The following NRG1 variants were observed in gnomAD, a reference collection of about 807,000 sequenced individuals.
NRG1 encodes neuregulin 1, also known as pro-neuregulin-1, membrane-bound isoform.
In NRG1, 18 loss-of-function variants were observed where a neutral mutation model predicts 63.8. The observed-to-expected ratio is 0.28, with a 90% CI of 0.19 to 0.42. The LOEUF (loss-of-function observed/expected upper bound fraction) is 0.42, where lower values mean the gene tolerates loss of function less well. NRG1 is among the 10% of genes least tolerant of loss of function. The pLI, the probability that NRG1 is intolerant of heterozygous loss-of-function variation, is 1.00. For missense variants in NRG1, 762 were observed against 814.7 expected (o/e 0.94, Z 0.79); for synonymous variants, 302 against 301.3 (o/e 1.00, Z -0.02).
intron 1 of NRG1, among the ~76,000 whole-genome samples, chr8:31,858,379 A>G (rs1828143580): frequency 6.6e-6 from 1 of 152,066 alleles, no homozygotes; most frequent in Non-Finnish European, 1.5e-5. Flanking sequence ...AGAAAATTGG[A>G]AAGGTGAAAA....
At chr8:32,714,810 A>AGG (rs1409701928) in intron 5 of NRG1, among the ~76,000 whole-genome samples, 6 of 152,266 alleles carry the variant, frequency 3.9e-5, no homozygotes, top group African/African-American at 1.4e-4. Context: ...TCACACATAC[A>AGG]CACACAAGCT....
At chr8:32,322,623 G>A (rs1249251626) in intron 1 of NRG1, among the ~76,000 whole-genome samples, 3 of 152,052 alleles carry the variant, frequency 2.0e-5, no homozygotes, top group Admixed American at 6.5e-5. Flanking sequence ...GGATTGTGGA[G>A]ATCGTGTCAC....
intron 1 of NRG1, among the ~76,000 whole-genome samples, chr8:32,032,002 A>T (rs1262253862): frequency 6.6e-6 from 1 of 151,964 alleles, no homozygotes; most frequent in African/African-American, 2.4e-5. Flanking sequence ...GGGTCAAATG[A>T]TATTTCTGGT....
At chr8:31,818,418 C>G (rs1261230475) in intron 1 of NRG1, among the ~76,000 whole-genome samples, 3 of 152,118 alleles carry the variant, frequency 2.0e-5, no homozygotes, top group Non-Finnish European at 2.9e-5. Context: ...TATCAGCAGT[C>G]CCCAACCTTT....
chr8:31,724,191 G>A (rs1012095366), intron 1 of NRG1, among the ~76,000 whole-genome samples: 5 of 152,228 alleles, frequency 3.3e-5, no homozygotes, highest in South Asian at 4.1e-4. Context: ...AGTGCAAAAT[G>A]TAGAGAGAAA....
At chr8:32,168,379 T>G (rs1839631913) in intron 1 of NRG1, among the ~76,000 whole-genome samples, 1 of 152,238 alleles carries the variant, frequency 6.6e-6, no homozygotes, top group African/African-American at 2.4e-5. Context: ...TGTTCTGATA[T>G]CTGGTGTGCA....
chr8:31,846,677 G>A (rs749242952), intron 1 of NRG1, among the ~76,000 whole-genome samples: 2 of 152,152 alleles, frequency 1.3e-5, no homozygotes, highest in African/African-American at 2.4e-5. Context: ...ACACAATGCT[G>A]TAGGAATTCC....
chr8:32,628,327 C>T (rs749752599), intron 5 of NRG1, among the ~76,000 whole-genome samples: 1 of 152,136 alleles, frequency 6.6e-6, no homozygotes, highest in Non-Finnish European at 1.5e-5. Context: ...GATCCAGATG[C>T]ATTTTTTTCC....
chr8:32,655,722 A>T (rs1437046434), intron 5 of NRG1, among the ~76,000 whole-genome samples: 7 of 152,178 alleles, frequency 4.6e-5, no homozygotes, highest in Non-Finnish European at 1.0e-4. Context: ...AGTTACATAG[A>T]TTATTACTTT....
intron 1 of NRG1, among the ~76,000 whole-genome samples, chr8:32,074,043 A>G (rs1826141970): frequency 6.6e-6 from 1 of 152,202 alleles, no homozygotes; most frequent in African/African-American, 2.4e-5. Context: ...TAAGGTAACT[A>G]AGGTTCTCAA....
At chr8:31,959,477 C>A (rs1347723192) in intron 1 of NRG1, among the ~76,000 whole-genome samples, 1 of 152,076 alleles carries the variant, frequency 6.6e-6, no homozygotes, top group Non-Finnish European at 1.5e-5. Flanking sequence ...CAGGCAATAC[C>A]AATTTGTCAT....
intron 5 of NRG1, among the ~76,000 whole-genome samples, chr8:32,654,230 G>A (rs1766091481): frequency 1.3e-5 from 2 of 152,098 alleles, no homozygotes; most frequent in South Asian, 2.1e-4. Context: ...TATTCAAGTA[G>A]CATATGTTAC....
chr8:32,216,748 A>G (rs1404183688), intron 1 of NRG1, among the ~76,000 whole-genome samples: 2 of 151,356 alleles, frequency 1.3e-5, no homozygotes. Flanking sequence ...TGTGATATAT[A>G]TATAATATAA....
At chr8:32,253,667 C>T (rs1304266801) in intron 1 of NRG1, among the ~76,000 whole-genome samples, 1 of 152,048 alleles carries the variant, frequency 6.6e-6, no homozygotes, top group Non-Finnish European at 1.5e-5. Flanking sequence ...TTTGTTTTGC[C>T]TCTGCCAGGT....
At chr8:31,868,146 TTACACACACACACACACACACA>T (rs1301036760) in intron 1 of NRG1, among the ~76,000 whole-genome samples, 21 of 115,802 alleles carry the variant, frequency 1.8e-4, no homozygotes, top group African/African-American at 2.9e-4. Context: ...CACATACATC[TTACACACACACACACACACACA>T]CACACACACA....
intron 7 of NRG1, among the ~76,000 whole-genome samples, chr8:32,743,595 TAA>T (rs1491366506): frequency 5.6e-5 from 8 of 141,794 alleles, no homozygotes; most frequent in Non-Finnish European, 7.8e-5. Context: ...TATATATATA[TAA>T]AACTTAATAA....
intron 1 of NRG1, among the ~76,000 whole-genome samples, chr8:32,093,652 C>T (rs1012748201): frequency 2.0e-5 from 3 of 152,216 alleles, no homozygotes; most frequent in Admixed American, 6.5e-5. Context: ...CTCCTGTTTA[C>T]CAGAAGTGTT....
chr8:32,295,837 C>T (rs79001085), intron 1 of NRG1, among the ~76,000 whole-genome samples: 8,232 of 150,608 alleles, frequency 0.055, 267 homozygotes, highest in South Asian at 0.071. Flanking sequence ...CTCAGGAGGC[C>T]GAGGCAGGGG....
At chr8:32,333,257 A>T (rs577749284) in intron 1 of NRG1, among the ~76,000 whole-genome samples, 1 of 152,288 alleles carries the variant, frequency 6.6e-6, no homozygotes, top group East Asian at 1.9e-4. Context: ...ACTCTTTTAG[A>T]TGTTGCTTTG....
Sources: gnomAD v4.1 joint callset for allele counts (sites outside exome capture counted in the v4.1 genomes callset) on GRCh38, gnomAD v4.1.1 for gene constraint, MANE v1.5 for transcripts, NCBI Gene and HGNC (gene_info 2026-07-23, HGNC 2026-07-21) for gene names.